ZNF664: variants seen among roughly 807,000 people sequenced by gnomAD.
ZNF664 encodes the protein zinc finger Organ of Corti 1.
In ZNF664, 10 loss-of-function variants were observed where a neutral mutation model predicts 18.2. The ratio of observed to expected loss-of-function variants is 0.55; its 90% CI spans 0.34 to 0.93. The LOEUF (loss-of-function observed/expected upper bound fraction) is 0.93, where lower values mean the gene tolerates loss of function less well. ZNF664 is among the 40% of genes least tolerant of loss of function. ZNF664 has a pLI of 0.02. For missense variants in ZNF664, 193 were observed against 319.0 expected (o/e 0.61, Z 3.01); for synonymous variants, 119 against 104.2 (o/e 1.14, Z -0.86).
rs1402069729 is a variant in ZNF664 at position 124,014,054 on chromosome 12, A to C, written c.*1124A>C. On this transcript the variant is annotated 3_prime_UTR_variant, in exon 5 of 5. Coordinates refer to ENST00000337815, the MANE Select transcript of ZNF664 (RefSeq NM_152437.3). Reference sequence around the variant, plus strand: ...CACTGATGAGACAGACAAGGTCCCTACTCTTGTGGAGTTTACTTCTGGTGG... The same window carrying C: ...CACTGATGAGACAGACAAGGTCCCTCCTCTTGTGGAGTTTACTTCTGGTGG... 4 of 167,132 alleles carry C rather than the reference A, an allele frequency of 2.4e-5. 1 individual carries two copies. The East Asian group carries it at 7.7e-4, about 32-fold the overall frequency. 10.4% of individuals were successfully genotyped at this position (167,132 alleles called of 1,614,324 possible).
chr12:123,973,243 GCGGAGCGCGCGCGCGCGCGGCT>G lies in ZNF664; in HGVS notation c.-995_-974del, dbSNP rs1664132203. 8 of 991,460 alleles carry G rather than the reference GCGGAGCGCGCGCGCGCGCGGCT, an allele frequency of 8.1e-6. No individual in the cohort carries two copies. The highest frequency in any genetic ancestry group is 8.4e-6 in the Non-Finnish European group (7 of 836,112). 61.4% of individuals were successfully genotyped at this position (991,460 alleles called of 1,614,324 possible). On this transcript the variant is annotated 5_prime_UTR_variant, in exon 1 of 5. Transcript: ENST00000337815. ...CTGTCCCCCGGAGGCGTCTGGGTGT[GCGGAGCGCGCGCGCGCGCGGCT>G]CGGAGGCGCACCTGTGAGGTGTCCC...
rs772405441 is a variant in ZNF664 at position 124,015,401 on chromosome 12, A to G, written c.*2471A>G. 1 of 165,316 alleles carries G rather than the reference A, an allele frequency of 6.0e-6. No individual in the cohort carries two copies. The highest frequency in any genetic ancestry group is 2.4e-5 in the African/African-American group (1 of 41,476). The allele number at this position is 165,316 out of a possible 1,614,324, so 10.2% of individuals were successfully genotyped here. On this transcript the variant is annotated 3_prime_UTR_variant, in exon 5 of 5. Transcript: ENST00000337815. ...TTTGACCTACAGTATGTCCAAATCA[A>G]TTTAATAAAATCGCTTTATAACAGG...
In ZNF664 at chr12:124,012,076, T is replaced by A. The variant is rs1957140734; in HGVS notation, c.-69T>A. ...TGGCCAAATAAGAGACTCTATGAAA[T>A]AACAGTCTTGTAACTGTAGTAATCA... On this transcript the variant is annotated 5_prime_UTR_variant, in exon 5 of 5. The change abolishes the stop of an existing upstream ORF in the 5' untranslated region. Transcript: ENST00000337815. 6.6e-7 allele frequency: 1 copy of A among 1,522,584 alleles called. No homozygotes were observed. Among genetic ancestry groups the A allele is most frequent in the Admixed American group, 2.3e-5 (1 of 44,124 alleles). 94.3% of individuals were successfully genotyped at this position (1,522,584 alleles called of 1,614,324 possible). A position where few individuals can be genotyped will look rare whatever the true frequency, so the allele number is the denominator to read the frequency against.
Position 124,012,613 on chromosome 12 carries a change from A to G in ZNF664, c.469A>G (p.Ser157Gly). The G allele has an allele frequency of 6.2e-7, 1 of 1,614,234 alleles. No homozygotes were observed. Among genetic ancestry groups the G allele is most frequent in the Non-Finnish European group, 8.5e-7 (1 of 1,180,036 alleles). Residue 157 changes from serine to glycine, a missense_variant, in exon 5 of 5, where the codon AGC (serine) becomes GGC (glycine). Physicochemically the swap from Ser to Gly is moderately conservative, Grantham distance 56. Coordinates refer to ENST00000337815, the MANE Select transcript of ZNF664 (RefSeq NM_152437.3). The stretch of plus-strand genomic sequence containing the variant: ...TGGGAAGGCCTTCAGGCACACCTCC[A>G]GCCTCTGCATGCATCAAAGAGTCCA... The part of the protein sequence containing the change: ...ECGKAFRHTS[S>G]LCMHQRVHTG...
chr12:124,012,700 CT>C lies in ZNF664; in HGVS notation c.557del (p.Leu186ProfsTer81). ...GAAGGCGTTCAGTCAGAGTTCGAGC[CT>C]CTGCATCCACCAGAGAGTCCACACT... ...CGKAFSQSSS[L>X]CIHQRVHTGE... On this transcript the variant is annotated frameshift_variant, in exon 5 of 5. Transcript: ENST00000337815. LOFTEE classifies it high-confidence loss of function. 2.5e-6 allele frequency: 4 copies of C among 1,614,096 alleles called. No individual in the cohort carries two copies. Among genetic ancestry groups the C allele is most frequent in the Non-Finnish European group, 3.4e-6 (4 of 1,179,992 alleles).
Position 124,014,555 on chromosome 12 carries a change from A to G in ZNF664, c.*1625A>G, listed in dbSNP as rs1428903746. 1 of 167,094 alleles carries G rather than the reference A, an allele frequency of 6.0e-6. No individual in the cohort carries two copies. Among genetic ancestry groups the G allele is most frequent in the Non-Finnish European group, 1.5e-5 (1 of 68,130 alleles). The allele number at this position is 167,094 out of a possible 1,614,324, so 10.4% of individuals were successfully genotyped here. On this transcript the variant is annotated 3_prime_UTR_variant, in exon 5 of 5. Transcript: ENST00000337815. ...ATTCCTGTTTTCATTGATTTCCCAC[A>G]TGTAGTCCTTTTGCTCAGGAAGTCT...
rs1325356594 is a variant in ZNF664 at position 124,015,303 on chromosome 12, GACTA to G, written c.*2376_*2379del. On this transcript the variant is annotated 3_prime_UTR_variant, in exon 5 of 5. Transcript: ENST00000337815. ...TTATCATGCTGTTGCTGGGGAATAT[GACTA>G]ACCCTTTTGAAGCTACTAATTTTAT... 2.4e-5 allele frequency: 4 copies of G among 167,046 alleles called. No homozygotes were observed. The highest frequency in any genetic ancestry group is 5.9e-5 in the Non-Finnish European group (4 of 68,118). The allele number at this position is 167,046 out of a possible 1,614,324, so 10.3% of individuals were successfully genotyped here. A position where few individuals can be genotyped will look rare whatever the true frequency, so the allele number is the denominator to read the frequency against.
rs1310697250 is a variant in ZNF664, at chr12:124,012,065, ACT to A, written c.-77_-76del. 7.3e-6 allele frequency: 11 copies of A among 1,502,286 alleles called. No individual in the cohort carries two copies. In the South Asian group the frequency reaches 1.5e-4, roughly 21 times the overall value. The allele number at this position is 1,502,286 out of a possible 1,614,324, so 93.1% of individuals were successfully genotyped here. On this transcript the variant is annotated 5_prime_UTR_variant, in exon 5 of 5. Transcript: ENST00000337815. The stretch of plus-strand genomic sequence containing the variant: ...GACTGCCAAAATGGCCAAATAAGAG[ACT>A]CTATGAAATAACAGTCTTGTAACTG...
chr12:124,002,788 A>T (rs1957028297), intron 3 of ZNF664, among the ~76,000 whole-genome samples: 1 of 152,144 alleles, frequency 6.6e-6, no homozygotes, highest in Non-Finnish European at 1.5e-5. Flanking sequence ...AGCAGAGATT[A>T]TGGAGCAGTC....
chr12:123,996,089 A>T (rs769116117), intron 3 of ZNF664, among the ~76,000 whole-genome samples: 1 of 152,234 alleles, frequency 6.6e-6, no homozygotes, highest in Non-Finnish European at 1.5e-5. Flanking sequence ...CTTTCAGTTA[A>T]CAGTGTGCAT....
intron 3 of ZNF664, among the ~76,000 whole-genome samples, chr12:124,003,735 T>C (rs1186243660): frequency 6.6e-6 from 1 of 152,108 alleles, no homozygotes; most frequent in Non-Finnish European, 1.5e-5. Flanking sequence ...TCTTGGCAGG[T>C]TATCAGCCAC....
intron 3 of ZNF664, among the ~76,000 whole-genome samples, chr12:123,991,327 C>T (rs1289355077): frequency 6.6e-6 from 1 of 151,998 alleles, no homozygotes; most frequent in Middle Eastern, 3.2e-3. Flanking sequence ...TTTTAAAAAG[C>T]AATCCTGTGA....
Position 124,014,633 on chromosome 12 carries a change from T to C in ZNF664, c.*1703T>C, listed in dbSNP as rs1957171526. The C allele has an allele frequency of 6.0e-6, 1 of 167,132 alleles. No homozygotes were observed. Among genetic ancestry groups the C allele is most frequent in the African/African-American group, 2.4e-5 (1 of 41,460 alleles). 10.4% of individuals were successfully genotyped at this position (167,132 alleles called of 1,614,324 possible). On this transcript the variant is annotated 3_prime_UTR_variant, in exon 5 of 5. Transcript: ENST00000337815. ...CTGAAATAGGTGATCAGGTTAGTGGTGTCTGTCAGCTGTCTAAGAGGTTGG... is the reference window on the plus strand; with the variant it reads ...CTGAAATAGGTGATCAGGTTAGTGGCGTCTGTCAGCTGTCTAAGAGGTTGG...
At chr12:123,979,241 A>G (rs1397499058) in intron 2 of ZNF664, among the ~76,000 whole-genome samples, 1 of 152,248 alleles carries the variant, frequency 6.6e-6, no homozygotes, top group Non-Finnish European at 1.5e-5. Flanking sequence ...AATAAATAGA[A>G]TTAACAAATT....
chr12:123,996,618 C>G (rs987859159), intron 3 of ZNF664, among the ~76,000 whole-genome samples: 6 of 152,024 alleles, frequency 3.9e-5, no homozygotes, highest in Non-Finnish European at 7.4e-5. Context: ...AGGTGCGAAA[C>G]CCAAGGAGAG....
In ZNF664 at chr12:123,978,793, G is replaced by T. The variant is rs575179931; in HGVS notation, c.-757+4773G>T. ...CTGAAATGCTGCAGTAATATAAATGGTGAACACAAGAATAGACAGATTGAC... is the reference window on the plus strand; with the variant it reads ...CTGAAATGCTGCAGTAATATAAATGTTGAACACAAGAATAGACAGATTGAC... On this transcript the variant is annotated intron_variant, in intron 2 of 4. Transcript: ENST00000337815. Among the ~76,000 whole-genome samples the T allele has an allele frequency of 2.0e-5, 3 of 152,316 alleles. No homozygotes were observed. The South Asian group carries it at 6.2e-4, about 32-fold the overall frequency.
At chr12:123,983,790 A>C (rs936804062) in intron 2 of ZNF664, among the ~76,000 whole-genome samples, 1 of 152,216 alleles carries the variant, frequency 6.6e-6, no homozygotes, top group Non-Finnish European at 1.5e-5. Flanking sequence ...TGGCTAGAAA[A>C]CATGTCAAGT....
At chr12:123,975,435 A>C in intron 2 of ZNF664, among the ~76,000 whole-genome samples, 1 of 150,584 alleles carries the variant, frequency 6.6e-6, no homozygotes, top group East Asian at 1.9e-4. Context: ...AAAAAAAAAA[A>C]AGAGAGAGAG....
chr12:123,973,594 A>C, intron 1 of ZNF664: 1 of 363,514 alleles, frequency 2.8e-6, no homozygotes, highest in African/African-American at 2.2e-5. Flanking sequence ...GCGGGCCCGC[A>C]GTGCGGGGGA....
Sources: allele counts gnomAD v4.1 joint callset (sites outside exome capture counted in the v4.1 genomes callset), GRCh38; gene constraint gnomAD v4.1.1; transcripts MANE v1.5; gene names NCBI Gene and HGNC (gene_info 2026-07-23, HGNC 2026-07-21).